The following FARP1 variants were observed in gnomAD, a reference collection of about 807,000 sequenced individuals.
The protein encoded by FARP1 is FERM, ARH/RhoGEF and pleckstrin domain protein 1, also known as FERM, ARHGEF and pleckstrin domain-containing protein 1.
FARP1 carries 52 observed loss-of-function variants against 128.8 expected under a neutral mutation model. The observed-to-expected ratio is 0.40, with a 90% CI of 0.32 to 0.51. The LOEUF is 0.51. FARP1 is among the 20% of genes least tolerant of loss of function. The probability of loss-of-function intolerance (pLI) is 0.45; values close to 1 mark genes in which losing one functional copy is unlikely to be tolerated. For synonymous variants in FARP1, 580 were observed against 551.8 expected (o/e 1.05, Z -0.72); for missense variants, 1,333 against 1,367.9 (o/e 0.97, Z 0.40).
intron 14 of FARP1, among the ~76,000 whole-genome samples, chr13:98,409,768 C>T (rs1386311819): frequency 6.6e-6 from 1 of 152,222 alleles, no homozygotes; most frequent in Non-Finnish European, 1.5e-5. Flanking sequence ...CCTTCCCCCT[C>T]CTGCCAGCCA....
intron 1 of FARP1, among the ~76,000 whole-genome samples, chr13:98,188,823 C>T (rs547144422): frequency 5.3e-5 from 8 of 152,296 alleles, no homozygotes; most frequent in Non-Finnish European, 8.8e-5. Context: ...GAAACGGGGA[C>T]GCATGTCCTG....
chr13:98,399,303 G>A (rs1393939689), intron 13 of FARP1: 1 of 152,190 alleles, frequency 6.6e-6, no homozygotes, highest in Non-Finnish European at 1.5e-5. Context: ...TTTGAGCCTG[G>A]TGGAGCACGT....
At position 98,446,823 on chromosome 13, in the gene FARP1, C is replaced by T. The variant is rs1555298380; in HGVS notation, c.3056+6C>T. On this transcript the variant is annotated splice_donor_region_variant and intron_variant, in intron 26 of 26. Transcript: ENST00000319562. Reference sequence around the variant, plus strand: ...AGCGAGTACACGTTCGAAAGGTAGACACCCCCTTCCCACGCACAGGGCCCT... The same window carrying T: ...AGCGAGTACACGTTCGAAAGGTAGATACCCCCTTCCCACGCACAGGGCCCT... The T allele has an allele frequency of 3.1e-6, 5 of 1,613,968 alleles. No individual in the cohort carries two copies. The South Asian group carries it at 4.4e-5, about 14-fold the overall frequency.
chr13:98,241,383 T>C (rs1274438864), intron 2 of FARP1, among the ~76,000 whole-genome samples: 1 of 152,144 alleles, frequency 6.6e-6, no homozygotes, highest in Non-Finnish European at 1.5e-5. Context: ...AAATACGGCA[T>C]GTTGCACACG....
intron 3 of FARP1, among the ~76,000 whole-genome samples, chr13:98,358,190 C>A (rs912728375): frequency 6.6e-6 from 1 of 151,464 alleles, no homozygotes; most frequent in Non-Finnish European, 1.5e-5. Flanking sequence ...CCTGTGAACT[C>A]GCATCCCTTT....
At chr13:98,245,228 G>A (rs911984353) in intron 2 of FARP1, 2 of 985,228 alleles carry the variant, frequency 2.0e-6, no homozygotes, top group African/African-American at 1.7e-5. Context: ...TAATTTTTGT[G>A]TAACTTTTTT....
intron 2 of FARP1, among the ~76,000 whole-genome samples, chr13:98,271,391 A>G (rs932674397): frequency 2.6e-5 from 4 of 152,092 alleles, no homozygotes; most frequent in Admixed American, 6.6e-5. Context: ...ACAAGTATAC[A>G]TATATATATT....
chr13:98,441,572 T>C (rs1487057162), intron 24 of FARP1, among the ~76,000 whole-genome samples: 3 of 152,212 alleles, frequency 2.0e-5, no homozygotes, highest in Admixed American at 1.3e-4. Flanking sequence ...CTCCGGGGTA[T>C]GGTGCGGGAC....
intron 18 of FARP1, chr13:98,432,726 C>G (rs1475197589): frequency 6.6e-6 from 1 of 151,658 alleles, no homozygotes; most frequent in East Asian, 1.9e-4. Context: ...TCTTCATGAC[C>G]TGGCCTGGCC....
chr13:98,206,140 C>A (rs1047285631), intron 1 of FARP1, among the ~76,000 whole-genome samples: 1 of 150,812 alleles, frequency 6.6e-6, no homozygotes, highest in African/African-American at 2.4e-5. Context: ...CAGACAGAGC[C>A]GTGTTCCATA....
chr13:98,175,387 A>G (rs536477286), intron 1 of FARP1, among the ~76,000 whole-genome samples: 2 of 148,948 alleles, frequency 1.3e-5, no homozygotes, highest in South Asian at 2.1e-4. Flanking sequence ...TCTTCTGTCA[A>G]CTCCTCCCCT....
rs1893116853 is a variant in FARP1 at position 98,450,121 on chromosome 13, A to G, written c.*1804A>G. On this transcript the variant is annotated 3_prime_UTR_variant, in exon 27 of 27. Transcript: ENST00000319562. Reference sequence around the variant, plus strand: ...CACCTCTGCTTCCTGTGTGCCCTCAAGAAAATACTAGTGTGGGTAACAGTC... The same window carrying G: ...CACCTCTGCTTCCTGTGTGCCCTCAGGAAAATACTAGTGTGGGTAACAGTC... 2 of 152,248 alleles carry G rather than the reference A, an allele frequency of 1.3e-5. No homozygotes were observed. The highest frequency in any genetic ancestry group is 2.4e-5 in the African/African-American group (1 of 41,454). The allele number at this position is 152,248 out of a possible 1,614,324, so 9.4% of individuals were successfully genotyped here. A position where few individuals can be genotyped will look rare whatever the true frequency, so the allele number is the denominator to read the frequency against.
chr13:98,161,626 T>G (rs571218909), intron 1 of FARP1, among the ~76,000 whole-genome samples: 2 of 152,068 alleles, frequency 1.3e-5, no homozygotes, highest in African/African-American at 4.8e-5. Context: ...GGGAAGGGGG[T>G]TCCCAGATGT....
intron 16 of FARP1, among the ~76,000 whole-genome samples, chr13:98,412,815 G>A (rs1173556079): frequency 6.6e-6 from 1 of 152,206 alleles, no homozygotes; most frequent in Non-Finnish European, 1.5e-5. Flanking sequence ...ACAATTATAT[G>A]GAGAGAGACA....
At chr13:98,172,652 A>G (rs1877734944) in intron 1 of FARP1, among the ~76,000 whole-genome samples, 1 of 152,126 alleles carries the variant, frequency 6.6e-6, no homozygotes, top group Admixed American at 6.5e-5. Context: ...ATTTTTTGGA[A>G]GTGGAGAAGC....
chr13:98,234,651 T>C (rs1256773243), intron 2 of FARP1: 1 of 152,132 alleles, frequency 6.6e-6, no homozygotes, highest in Non-Finnish European at 1.5e-5. Context: ...AAACCTGAAA[T>C]ATGTTTGCTT....
At chr13:98,225,245 C>T (rs1202859079) in intron 2 of FARP1, among the ~76,000 whole-genome samples, 1 of 152,094 alleles carries the variant, frequency 6.6e-6, no homozygotes, top group Non-Finnish European at 1.5e-5. Context: ...GATCCAGTGC[C>T]GAGAACAACT....
intron 10 of FARP1, chr13:98,390,509 G>A: frequency 2.3e-6 from 1 of 443,332 alleles, no homozygotes. Context: ...ACTGAGCCCA[G>A]TGATCCCTGC....
intron 2 of FARP1, among the ~76,000 whole-genome samples, chr13:98,320,487 C>G (rs1177046430): frequency 1.3e-5 from 2 of 152,186 alleles, no homozygotes; most frequent in Non-Finnish European, 2.9e-5. Flanking sequence ...AACAGGTACT[C>G]ACTTCTCCTT....
Sources: gnomAD v4.1 joint callset for allele counts (sites outside exome capture counted in the v4.1 genomes callset) on GRCh38, gnomAD v4.1.1 for gene constraint, MANE v1.5 for transcripts, NCBI Gene and HGNC (gene_info 2026-07-23, HGNC 2026-07-21) for gene names.